LCA5L: variants seen among roughly 807,000 people sequenced by gnomAD.
The protein encoded by LCA5L is lebercilin-like protein.
LCA5L carries 35 observed loss-of-function variants against 45.4 expected under a neutral mutation model. That is an observed-to-expected ratio of 0.77 (90% CI 0.59 to 1.02). The LOEUF (loss-of-function observed/expected upper bound fraction) is 1.02, where lower values mean the gene tolerates loss of function less well. Ranked by LOEUF, LCA5L falls within the 50% of genes least tolerant of loss-of-function variation. LCA5L has a pLI of 0.00. For synonymous variants in LCA5L, 233 were observed against 264.7 expected (o/e 0.88, Z 1.16); for missense variants, 668 against 761.6 (o/e 0.88, Z 1.45).
chr21:39,420,848 A>C lies in LCA5L; in HGVS notation c.838-5T>G, dbSNP rs767811094. The stretch of plus-strand genomic sequence containing the variant: ...CCTCAGTTGTTTTTCCAAGCTCTGA[A>C]AACAGTATATATTATAACTATTCTG... On this transcript the variant is annotated splice_polypyrimidine_tract_variant and splice_region_variant and intron_variant, in intron 6 of 10. Transcript: ENST00000288350. 6.2e-6 allele frequency: 10 copies of C among 1,610,568 alleles called. No individual in the cohort carries two copies. The highest frequency in any genetic ancestry group is 1.7e-5 in the Admixed American group (1 of 59,788).
At position 39,406,135 on chromosome 21, in the gene LCA5L, T is replaced by C. The variant is rs1462185192; in HGVS notation, c.1760A>G (p.Lys587Arg). 3.1e-6 allele frequency: 5 copies of C among 1,614,252 alleles called. No homozygotes were observed. In the East Asian group the frequency reaches 8.9e-5, roughly 29 times the overall value. The change falls in exon 11 of 11, where the codon AAG becomes AGG. Residue 587 changes from lysine to arginine, a missense_variant. Lys to Arg is a conservative substitution (Grantham distance 26, BLOSUM62 2). Coordinates refer to ENST00000288350, the MANE Select transcript of LCA5L (RefSeq NM_152505.4). ...SFGKSSRIKV[K>R]DTTFRDKKSS... is the part of the protein sequence containing the mutation. ...TTTCTTATCTCTGAAAGTTGTATCC[T>C]TCACTTTTATTCTGGAAGACTTACC...
chr21:39,445,027 C>T (rs1189588088), intron 1 of LCA5L, among the ~76,000 whole-genome samples: 1 of 151,962 alleles, frequency 6.6e-6, no homozygotes, highest in Non-Finnish European at 1.5e-5. Context: ...GCTCTGAGTA[C>T]AGGCGACTGG....
chr21:39,409,921 T>C lies in LCA5L; in HGVS notation c.1282+58A>G, dbSNP rs570211000. 100 of 982,716 alleles carry C rather than the reference T, an allele frequency of 1.0e-4. No homozygotes were observed. The highest frequency in any genetic ancestry group is 2.7e-4 in the Middle Eastern group (1 of 3,690). The allele number at this position is 982,716 out of a possible 1,614,324, so 60.9% of individuals were successfully genotyped here. On this transcript the variant is annotated intron_variant, in intron 10 of 10. Coordinates refer to ENST00000288350, the MANE Select transcript of LCA5L (RefSeq NM_152505.4). The surrounding 1 kb of genome is among the most constrained non-coding windows in gnomAD (Gnocchi z 4.2). ...TTTATGTGTGCTTTATATACACATATAGTAATTCACAATTTTAAAGAAATC... is the reference window on the plus strand; with the variant it reads ...TTTATGTGTGCTTTATATACACATACAGTAATTCACAATTTTAAAGAAATC...
chr21:39,415,126 T>G (rs2040906696), intron 7 of LCA5L, among the ~76,000 whole-genome samples: 2 of 152,206 alleles, frequency 1.3e-5, no homozygotes, highest in South Asian at 4.1e-4. Context: ...GGTCTTGACT[T>G]CTTGGGCTCA....
intron 2 of LCA5L, among the ~76,000 whole-genome samples, chr21:39,437,443 G>A (rs1021876693): frequency 6.6e-6 from 1 of 152,154 alleles, no homozygotes; most frequent in Non-Finnish European, 1.5e-5. Flanking sequence ...TGACACCATA[G>A]GTTACAAAAT....
chr21:39,432,841 A>G (rs1441836995), intron 3 of LCA5L, among the ~76,000 whole-genome samples: 2 of 152,188 alleles, frequency 1.3e-5, no homozygotes, highest in Admixed American at 6.5e-5. Context: ...ATGTGCATCA[A>G]TATCAGTAGT....
At chr21:39,421,198 G>A (rs1027976373) in intron 6 of LCA5L, among the ~76,000 whole-genome samples, 10 of 151,764 alleles carry the variant, frequency 6.6e-5, no homozygotes, top group African/African-American at 2.2e-4. Flanking sequence ...CACCTCCTGG[G>A]TTCAAACGAT....
chr21:39,440,750 C>G (rs2076755707), intron 2 of LCA5L, among the ~76,000 whole-genome samples: 1 of 152,162 alleles, frequency 6.6e-6, no homozygotes, highest in Non-Finnish European at 1.5e-5. Context: ...TGTGGTCTTT[C>G]TGCCACAAGC....
At chr21:39,421,940 T>TA (rs2147680141) in intron 6 of LCA5L, 2 of 152,312 alleles carry the variant, frequency 1.3e-5, no homozygotes, top group South Asian at 4.1e-4. Flanking sequence ...ATGAACAACT[T>TA]AGATACATAC....
At chr21:39,408,355 G>A (rs571590666) in intron 10 of LCA5L, among the ~76,000 whole-genome samples, 12 of 152,294 alleles carry the variant, frequency 7.9e-5, no homozygotes, top group African/African-American at 2.9e-4. Flanking sequence ...TTTAAAACAT[G>A]ATGGAATTTA....
intron 3 of LCA5L, among the ~76,000 whole-genome samples, chr21:39,430,157 C>T (rs1389226359): frequency 2.0e-5 from 3 of 152,204 alleles, no homozygotes; most frequent in Non-Finnish European, 4.4e-5. Flanking sequence ...CTGTTCCTCC[C>T]TGCCCTCTTG....
chr21:39,443,561 C>T (rs1227398906), intron 2 of LCA5L: 1 of 152,280 alleles, frequency 6.6e-6, no homozygotes, highest in African/African-American at 2.4e-5. Flanking sequence ...TCAAGCTTCT[C>T]TATGAAGTGA....
chr21:39,411,946 C>T (rs2040156489), intron 7 of LCA5L, 144 bp from the exon 8 acceptor site: 2 of 535,724 alleles, frequency 3.7e-6, no homozygotes, highest in Non-Finnish European at 6.8e-6. Context: ...CCATATCATC[C>T]TATACCATTC....
intron 10 of LCA5L, chr21:39,408,541 G>GCC (rs1025235695): frequency 2.0e-5 from 3 of 152,384 alleles, no homozygotes; most frequent in African/African-American, 7.2e-5. Context: ...CACCAGGTGA[G>GCC]CCAGGGCCTT....
chr21:39,405,897 T>C lies in LCA5L; in HGVS notation c.1998A>G (p.Arg666=). ...IKPSSPTEGK[R]KIII ...TTGATTATATTTAAATAATTATTTT[T>C]CTTTTTCCTTCTGTAGGTGACGATG... The change falls in exon 11 of 11, where the codon AGA becomes AGG. Residue 666 remains arginine (R), a synonymous_variant. Transcript: ENST00000288350. 1.8e-5 allele frequency: 28 copies of C among 1,578,846 alleles called. No homozygotes were observed. The highest frequency in any genetic ancestry group is 2.4e-5 in the Non-Finnish European group (28 of 1,156,184).
At chr21:39,406,662 CTA>C (rs767163220) in intron 10 of LCA5L, 50 bp from the exon 11 acceptor site, 11 of 1,404,550 alleles carry the variant, frequency 7.8e-6, no homozygotes, top group Non-Finnish European at 1.1e-5. Flanking sequence ...GAATGGATCT[CTA>C]TTTCAAGATG....
At chr21:39,431,642 C>G (rs113150326) in intron 3 of LCA5L, among the ~76,000 whole-genome samples, 34,849 of 151,862 alleles carry the variant, frequency 0.23, 4,485 homozygotes, top group African/African-American at 0.35. Context: ...CTCAGCCTCC[C>G]AAGTAGCTGG....
chr21:39,433,644 C>T (rs1453141868), intron 3 of LCA5L, among the ~76,000 whole-genome samples: 1 of 152,092 alleles, frequency 6.6e-6, no homozygotes, highest in Non-Finnish European at 1.5e-5. Flanking sequence ...ACTCAATTGC[C>T]TTTGCATCTT....
In LCA5L at chr21:39,428,409, A is replaced by G; in HGVS notation, c.85T>C (p.Cys29Arg). The change falls in exon 5 of 11, where the codon TGC (cysteine) becomes CGC (arginine). Residue 29 changes from cysteine (C) to arginine (R), a missense_variant. By Grantham distance (180) the Cys-to-Arg change is radical. Coordinates refer to ENST00000288350, the MANE Select transcript of LCA5L (RefSeq NM_152505.4). Reference protein sequence around the residue: ...ALENNRRSAACKRSPGTGDFS... With the variant: ...ALENNRRSAARKRSPGTGDFS... ...TCGCCTGTGCCTGGGCTTCTCTTGCATGCTGCAGACCTCCTATTGTTTTCT... is the reference window on the plus strand; with the variant it reads ...TCGCCTGTGCCTGGGCTTCTCTTGCGTGCTGCAGACCTCCTATTGTTTTCT... 1.2e-6 allele frequency: 2 copies of G among 1,613,060 alleles called. No homozygotes were observed. Among genetic ancestry groups the G allele is most frequent in the African/African-American group, 1.3e-5 (1 of 74,840 alleles).
Sources: allele counts gnomAD v4.1 joint callset (sites outside exome capture counted in the v4.1 genomes callset), GRCh38; gene constraint gnomAD v4.1.1; non-coding constraint Gnocchi (gnomAD v3.1); transcripts MANE v1.5; gene names NCBI Gene and HGNC (gene_info 2026-07-23, HGNC 2026-07-21).